The following ANTXRL variants were observed in gnomAD, a reference collection of about 807,000 sequenced individuals.
The protein encoded by ANTXRL is ANTXR like.
A neutral mutation model predicts 75.4 loss-of-function variants in ANTXRL; 63 were observed. The observed-to-expected ratio is 0.84, with a 90% CI of 0.68 to 1.03. The LOEUF (loss-of-function observed/expected upper bound fraction) is 1.03, where lower values mean the gene tolerates loss of function less well. Among genes scored for constraint, ANTXRL ranks in the 50% least tolerant of loss-of-function variants. The pLI is 0.00. For synonymous variants in ANTXRL, 335 were observed against 291.3 expected, an observed-to-expected ratio of 1.15 and a Z score of -1.53; for missense variants, 797 against 789.4, an observed-to-expected ratio of 1.01 and a Z score of -0.12.
At chr10:46,326,964 C>G (rs527999993) in intron 16 of ANTXRL, among the ~76,000 whole-genome samples, 1 of 152,172 alleles carries the variant, frequency 6.6e-6, no homozygotes, top group African/African-American at 2.4e-5. Flanking sequence ...CAACTCTGTG[C>G]TGCAAGGAGA....
At chr10:46,311,410 G>A (rs1223440358) in intron 14 of ANTXRL, 100 bp from the exon 15 acceptor site, 1 of 1,406,026 alleles carries the variant, frequency 7.1e-7, no homozygotes, top group African/African-American at 1.5e-5. Context: ...TGTGGTGTGG[G>A]TTTCTTTCTG....
At chr10:46,292,735 G>C (rs1400140140) in intron 2 of ANTXRL, 1 of 155,660 alleles carries the variant, frequency 6.4e-6, no homozygotes. Context: ...GCCATAGAGA[G>C]CCAGAGAAGG....
intron 16 of ANTXRL, among the ~76,000 whole-genome samples, chr10:46,326,255 C>G (rs1588874414): frequency 6.6e-6 from 1 of 152,136 alleles, no homozygotes; most frequent in Non-Finnish European, 1.5e-5. Flanking sequence ...CCTGCCCTCA[C>G]CCAGCACTGG....
At chr10:46,320,598 G>A (rs1565052014) in intron 16 of ANTXRL, among the ~76,000 whole-genome samples, 1 of 152,082 alleles carries the variant, frequency 6.6e-6, no homozygotes, top group African/African-American at 2.4e-5. Context: ...TGGGTGTGGT[G>A]GCACATGCCT....
In ANTXRL at chr10:46,311,671, A is replaced by T. The variant is rs1314318633; in HGVS notation, c.1329+6A>T. On this transcript the variant is annotated splice_donor_region_variant and intron_variant, in intron 15 of 16. Coordinates refer to ENST00000620264, the MANE Select transcript of ANTXRL (RefSeq NM_001278688.3). ...GCGGGATGAGAAGGATAGAGGTGAG[A>T]AGGGCACAGTGGAGAGGGGCTGTGA... 1.4e-5 allele frequency: 14 copies of T among 967,636 alleles called. No individual in the cohort carries two copies. In the African/African-American group the frequency reaches 2.3e-4, roughly 16 times the overall value. The allele number at this position is 967,636 out of a possible 1,614,324, so 59.9% of individuals were successfully genotyped here. A position where few individuals can be genotyped will look rare whatever the true frequency, so the allele number is the denominator to read the frequency against.
At chr10:46,300,257 G>A (rs1554960189) in intron 9 of ANTXRL, among the ~76,000 whole-genome samples, 1 of 152,182 alleles carries the variant, frequency 6.6e-6, no homozygotes, top group East Asian at 1.9e-4. Flanking sequence ...GACAGTCACA[G>A]GAGGGAAAGG....
At chr10:46,325,088 A>T (rs183399441) in intron 16 of ANTXRL, among the ~76,000 whole-genome samples, 24 of 152,154 alleles carry the variant, frequency 1.6e-4, no homozygotes, top group African/African-American at 5.3e-4. Flanking sequence ...CCAGCATTGC[A>T]CAGGATTCCC....
intron 10 of ANTXRL, among the ~76,000 whole-genome samples, chr10:46,304,927 A>C (rs1220922639): frequency 2.0e-5 from 3 of 152,130 alleles, no homozygotes; most frequent in Non-Finnish European, 2.9e-5. Flanking sequence ...TACCATCTAC[A>C]TCTCCATACA....
intron 10 of ANTXRL, among the ~76,000 whole-genome samples, chr10:46,306,450 G>A (rs1208119097): frequency 2.6e-5 from 4 of 152,102 alleles, no homozygotes; most frequent in Non-Finnish European, 5.9e-5. Flanking sequence ...ATAATGAAGC[G>A]GCTGTCCCTT....
At chr10:46,324,320 C>T (rs1554966073) in intron 16 of ANTXRL, among the ~76,000 whole-genome samples, 4 of 152,116 alleles carry the variant, frequency 2.6e-5, no homozygotes, top group African/African-American at 7.2e-5. Flanking sequence ...CTTTATGAAC[C>T]GGAATGCTAA....
chr10:46,324,043 C>A (rs1554966035), intron 16 of ANTXRL, among the ~76,000 whole-genome samples: 2 of 152,144 alleles, frequency 1.3e-5, no homozygotes, highest in Non-Finnish European at 2.9e-5. Flanking sequence ...GGTCATGTCC[C>A]AAATAGTGAA....
intron 9 of ANTXRL, 109 bp downstream of exon 9, chr10:46,298,171 G>C (rs1837503109): frequency 2.0e-6 from 2 of 988,350 alleles, no homozygotes; most frequent in East Asian, 5.2e-5. Context: ...TGTGTGTGGG[G>C]AGTGTGTGAG....
At chr10:46,291,624 T>G (rs535456721) in intron 1 of ANTXRL, among the ~76,000 whole-genome samples, 1 of 152,324 alleles carries the variant, frequency 6.6e-6, no homozygotes, top group South Asian at 2.1e-4. Context: ...TTTCTTTAGC[T>G]TCCTTGTTTA....
chr10:46,296,182 C>G, intron 4 of ANTXRL, 37 bp from the exon 5 acceptor site: 1 of 1,535,814 alleles, frequency 6.5e-7, no homozygotes, highest in Non-Finnish European at 8.7e-7. Flanking sequence ...GGGAGCATCT[C>G]ACTGTCCAGG....
chr10:46,306,206 C>T (rs1838074094), intron 10 of ANTXRL, among the ~76,000 whole-genome samples: 1 of 152,222 alleles, frequency 6.6e-6, no homozygotes, highest in African/African-American at 2.4e-5. Flanking sequence ...GGAATGTCAC[C>T]TCTTCAGAGA....
In ANTXRL at chr10:46,329,700, A is replaced by T; in HGVS notation, c.1512A>T (p.Pro504=). 6.5e-7 allele frequency: 1 copy of T among 1,535,656 alleles called. No homozygotes were observed. The highest frequency in any genetic ancestry group is 8.7e-7 in the Non-Finnish European group (1 of 1,146,760). Reference sequence around the variant, plus strand: ...ACAGCCAGGAGTGCCTTTCCCTACCACAGGCTCCCTGCAGCCCAAGGATGT... The same window carrying T: ...ACAGCCAGGAGTGCCTTTCCCTACCTCAGGCTCCCTGCAGCCCAAGGATGT... ...FPHSQECLSL[P]QAPCSPRMCL... The change falls in exon 17 of 17, where the codon CCA becomes CCT. Residue 504 remains proline, a synonymous_variant. Transcript: ENST00000620264.
At chr10:46,311,705 T>G (rs782271768) in intron 15 of ANTXRL, 40 bp downstream of exon 15, 123 of 762,870 alleles carry the variant, frequency 1.6e-4, no homozygotes, top group Middle Eastern at 2.3e-4. Context: ...GACCCCAGCA[T>G]GGGACTGTGG....
At chr10:46,294,459 C>G (rs1837245391) in intron 3 of ANTXRL, among the ~76,000 whole-genome samples, 1 of 151,844 alleles carries the variant, frequency 6.6e-6, no homozygotes. Flanking sequence ...AGGCTGGAGC[C>G]CAGGCCCAGC....
Position 46,293,870 on chromosome 10 carries a change from G to C in ANTXRL, c.362G>C (p.Gly121Ala), listed in dbSNP as rs1362295736. The change falls in exon 3 of 17, where the codon GGC becomes GCC. Residue 121 changes from glycine (G) to alanine (A), a missense_variant. This residue lies in a region of ANTXRL where 262 missense variants were observed against 271.9 expected (regional missense o/e 0.96). Transcript: ENST00000620264. ...TGCTTCATCACCTACTCCACAGACG[G>C]CCAGACTGTCTTGCCACTCACCTCA... ...RMCFITYSTD[G>A]QTVLPLTSDK... 1 of 1,535,610 alleles carries C rather than the reference G, an allele frequency of 6.5e-7. No homozygotes were observed. The highest frequency in any genetic ancestry group is 8.7e-7 in the Non-Finnish European group (1 of 1,146,682).
Sources: allele counts gnomAD v4.1 joint callset (sites outside exome capture counted in the v4.1 genomes callset), GRCh38; gene constraint gnomAD v4.1.1; regional missense constraint gnomAD v4.1.1; transcripts MANE v1.5; gene names NCBI Gene and HGNC (gene_info 2026-07-23, HGNC 2026-07-21).